AIF1L: variants seen among roughly 807,000 people sequenced by gnomAD.
The protein encoded by AIF1L is allograft inflammatory factor 1 like, also known as allograft inflammatory factor 1-like.
In AIF1L, 12 loss-of-function variants were observed where a neutral mutation model predicts 20.7. The ratio of observed to expected loss-of-function variants is 0.58; its 90% CI spans 0.37 to 0.94. The LOEUF (loss-of-function observed/expected upper bound fraction) is 0.94. AIF1L is among the 40% of genes least tolerant of loss of function. The probability of loss-of-function intolerance (pLI) is 0.01; values close to 1 mark genes in which losing one functional copy is unlikely to be tolerated. For synonymous variants in AIF1L, 76 were observed against 65.1 expected, an observed-to-expected ratio of 1.17 and a Z score of -0.81; for missense variants, 173 against 185.3, an observed-to-expected ratio of 0.93 and a Z score of 0.39.
chr9:131,119,159 C>T (rs1831077068), intron 5 of AIF1L, among the ~76,000 whole-genome samples: 1 of 79,464 alleles, frequency 1.3e-5, no homozygotes, highest in African/African-American at 3.1e-5. Context: ...CATTGAAGAG[C>T]GTTACAGCAT....
intron 2 of AIF1L, among the ~76,000 whole-genome samples, chr9:131,101,644 C>T (rs1280742430): frequency 6.6e-6 from 1 of 152,122 alleles, no homozygotes; most frequent in Admixed American, 6.5e-5. Context: ...TGTGCCGGGC[C>T]TTGACTTCCA....
chr9:131,117,616 G>A (rs1240766680), intron 4 of AIF1L, 140 bp from the exon 5 acceptor site: 6 of 828,272 alleles, frequency 7.2e-6, no homozygotes, highest in African/African-American at 3.5e-5. Flanking sequence ...CAGGGAGGGC[G>A]TGATGGGCTC....
chr9:131,112,831 C>T (rs1447013929), intron 3 of AIF1L, among the ~76,000 whole-genome samples: 2 of 152,198 alleles, frequency 1.3e-5, no homozygotes, highest in Non-Finnish European at 2.9e-5. Context: ...TCCCTTCTGT[C>T]TGCATACCAG....
intron 2 of AIF1L, chr9:131,106,172 C>A (rs1462289536): frequency 5.2e-6 from 8 of 1,530,790 alleles, no homozygotes; most frequent in South Asian, 1.2e-5. Context: ...CCTCCTGATA[C>A]CCACTTCCTC....
intron 2 of AIF1L, among the ~76,000 whole-genome samples, chr9:131,104,220 G>A (rs1830695805): frequency 6.6e-6 from 1 of 152,156 alleles, no homozygotes; most frequent in South Asian, 2.1e-4. Context: ...GGGCCCAGAG[G>A]CCCCCTGCAC....
Position 131,114,575 on chromosome 9 carries a change from A to G in AIF1L, c.161-2A>G. ...TGCTAGTTTTTGCTCTGTGATTTCC[A>G]GAGAAGTACATGGAGTTTGACCTGA... On this transcript the variant is annotated splice_acceptor_variant, in intron 3 of 5. Transcript: ENST00000247291. LOFTEE classifies it high-confidence loss of function. The G allele has an allele frequency of 2.5e-6, 4 of 1,614,078 alleles. No homozygotes were observed. The highest frequency in any genetic ancestry group is 3.4e-6 in the Non-Finnish European group (4 of 1,179,922).
intron 2 of AIF1L, among the ~76,000 whole-genome samples, chr9:131,107,143 G>C (rs1377569147): frequency 6.6e-6 from 1 of 152,178 alleles, no homozygotes; most frequent in Non-Finnish European, 1.5e-5. Flanking sequence ...TTGAGCAAAG[G>C]CTTGAAGTTG....
At chr9:131,118,997 C>T (rs1033974381) in intron 5 of AIF1L, among the ~76,000 whole-genome samples, 2 of 152,206 alleles carry the variant, frequency 1.3e-5, no homozygotes, top group Non-Finnish European at 2.9e-5. Context: ...CTTAGGTCTG[C>T]GAGTCTCAGT....
At chr9:131,097,911 T>C (rs991801238) in intron 2 of AIF1L, among the ~76,000 whole-genome samples, 1 of 152,226 alleles carries the variant, frequency 6.6e-6, no homozygotes, top group Non-Finnish European at 1.5e-5. Context: ...GTCTCCCAGT[T>C]TCCTTCTTAA....
intron 3 of AIF1L, among the ~76,000 whole-genome samples, chr9:131,113,278 A>ACCTGAGGTCGGGAGTCT (rs1830935415): frequency 1.3e-5 from 2 of 151,916 alleles, no homozygotes; most frequent in South Asian, 4.2e-4. Flanking sequence ...TGGGTGGATC[A>ACCTGAGGTCGGGAGTCT]CCTGAGGTCG....
At chr9:131,105,359 A>G (rs975220607) in intron 2 of AIF1L, among the ~76,000 whole-genome samples, 1 of 152,062 alleles carries the variant, frequency 6.6e-6, no homozygotes, top group Non-Finnish European at 1.5e-5. Context: ...AGCATTTGTC[A>G]TGTTTTGTTT....
At chr9:131,096,762 G>A (rs1340798258) in intron 1 of AIF1L, 40 bp from the exon 2 acceptor site, 2 of 1,509,394 alleles carry the variant, frequency 1.3e-6, no homozygotes, top group Non-Finnish European at 1.8e-6. Flanking sequence ...GTGGCCCGAA[G>A]AGGACCCCGC....
At chr9:131,114,389 C>T in intron 3 of AIF1L, 188 bp from the exon 4 acceptor site, 1 of 622,764 alleles carries the variant, frequency 1.6e-6, no homozygotes. Context: ...GTAGTCCAGG[C>T]AGGATGAGCT....
intron 2 of AIF1L, among the ~76,000 whole-genome samples, chr9:131,103,875 A>G (rs577602415): frequency 6.6e-6 from 1 of 152,326 alleles, no homozygotes; most frequent in South Asian, 2.1e-4. Flanking sequence ...CCCTGGGCTC[A>G]GAGAGATGAT....
intron 5 of AIF1L, among the ~76,000 whole-genome samples, chr9:131,118,345 A>G (rs1831059718): frequency 6.6e-6 from 1 of 151,936 alleles, no homozygotes; most frequent in South Asian, 2.1e-4. Flanking sequence ...TGCCCTCCTC[A>G]GCCTCCCAAA....
chr9:131,107,140 A>C (rs1830771447), intron 2 of AIF1L, among the ~76,000 whole-genome samples: 1 of 152,312 alleles, frequency 6.6e-6, no homozygotes, highest in East Asian at 1.9e-4. Flanking sequence ...ACATTGAGCA[A>C]AGGCTTGAAG....
In AIF1L at chr9:131,096,584, C is replaced by G. The variant is rs1830530094; in HGVS notation, c.-46C>G. 2.0e-6 allele frequency: 3 copies of G among 1,483,326 alleles called. No individual in the cohort carries two copies. Among genetic ancestry groups the G allele is most frequent in the South Asian group, 1.3e-5 (1 of 78,704 alleles). The allele number at this position is 1,483,326 out of a possible 1,614,324, so 91.9% of individuals were successfully genotyped here. The stretch of plus-strand genomic sequence containing the variant: ...GCGCCTGTGCCTCCTCCTCGTCCCT[C>G]GCCGCGTCCGCGAAGCCTGGAGCCG... On this transcript the variant is annotated 5_prime_UTR_variant, in exon 1 of 6. Transcript: ENST00000247291.
At position 131,122,416 on chromosome 9, in the gene AIF1L, A is replaced by T. The variant is rs1831159386; in HGVS notation, c.*2094A>T. On this transcript the variant is annotated 3_prime_UTR_variant, in exon 6 of 6. Coordinates refer to ENST00000247291, the MANE Select transcript of AIF1L (RefSeq NM_031426.4). Reference sequence around the variant, plus strand: ...CTAGTTGAAGTTTAAACCCCAGCAAAACATTCCTCCCTGTAAATGGAAAAT... The same window carrying T: ...CTAGTTGAAGTTTAAACCCCAGCAATACATTCCTCCCTGTAAATGGAAAAT... 6.6e-6 allele frequency: 1 copy of T among 152,114 alleles called. No individual in the cohort carries two copies. Among genetic ancestry groups the T allele is most frequent in the African/African-American group, 2.4e-5 (1 of 41,308 alleles). 9.4% of individuals were successfully genotyped at this position (152,114 alleles called of 1,614,324 possible). A position where few individuals can be genotyped will look rare whatever the true frequency, so the allele number is the denominator to read the frequency against.
In AIF1L at chr9:131,120,829, C is replaced by T; in HGVS notation, c.*507C>T. The stretch of plus-strand genomic sequence containing the variant: ...GCTCTGGTGTCACCCAGGACACAGC[C>T]ACTCGGGGCCCCGCTGCCCCAGCTG... On this transcript the variant is annotated 3_prime_UTR_variant, in exon 6 of 6. Coordinates refer to ENST00000247291, the MANE Select transcript of AIF1L (RefSeq NM_031426.4). The T allele has an allele frequency of 2.3e-6, 1 of 427,030 alleles. No homozygotes were observed. The highest frequency in any genetic ancestry group is 5.7e-5 in the South Asian group (1 of 17,536). The allele number at this position is 427,030 out of a possible 1,614,324, so 26.5% of individuals were successfully genotyped here.
Sources: allele counts gnomAD v4.1 joint callset (sites outside exome capture counted in the v4.1 genomes callset), GRCh38; gene constraint gnomAD v4.1.1; transcripts MANE v1.5; gene names NCBI Gene and HGNC (gene_info 2026-07-23, HGNC 2026-07-21).